Variants in KIF26B observed in about 807,000 individuals in gnomAD.
The protein encoded by KIF26B is kinesin family member 26B.
A neutral mutation model predicts 151.2 loss-of-function variants in KIF26B; 63 were observed. That is an observed-to-expected ratio of 0.42 (90% confidence interval 0.34 to 0.51). KIF26B has a LOEUF of 0.51. KIF26B is among the 20% of genes least tolerant of loss of function. The pLI is 0.07. For missense variants in KIF26B, 2,813 were observed against 2,913.6 expected (o/e 0.97, Z 0.79); for synonymous variants, 1,357 against 1,262.1 (o/e 1.08, Z -1.59).
At chr1:245,291,602 C>A (rs959467170) in intron 2 of KIF26B, among the ~76,000 whole-genome samples, 16 of 152,144 alleles carry the variant, frequency 1.1e-4, no homozygotes, top group Admixed American at 1.0e-3. Context: ...AGACCCCACA[C>A]CCGACGGGAC....
intron 5 of KIF26B, among the ~76,000 whole-genome samples, chr1:245,549,071 C>G (rs1661819195): frequency 6.6e-6 from 1 of 152,122 alleles, no homozygotes; most frequent in Non-Finnish European, 1.5e-5. Context: ...CTCAATTCTG[C>G]TGGCTCTATT....
rs758127878 is a variant in KIF26B, at chr1:245,688,200, C to T, written c.5217C>T (p.Leu1739=). The T allele has an allele frequency of 5.6e-6, 9 of 1,594,550 alleles. No homozygotes were observed. In the South Asian group the frequency reaches 7.7e-5, roughly 14 times the overall value. ...QSKISAVSRL[L]LASPRARGPS... is the part of the protein sequence containing the mutation. ...AGATCTCCGCCGTGAGCAGACTCCT[C>T]CTGGCCAGCCCCAGAGCGCGCGGCC... is the stretch of plus-strand genomic sequence containing the variant. Residue 1739 remains leucine, a synonymous_variant, in exon 12 of 15, where the codon CTC becomes CTT. Transcript: ENST00000407071.
intron 3 of KIF26B, among the ~76,000 whole-genome samples, chr1:245,398,729 A>G (rs1558150625): frequency 6.6e-6 from 1 of 151,716 alleles, no homozygotes; most frequent in Non-Finnish European, 1.5e-5. Context: ...AAAATTATAA[A>G]TTATAATTTT....
chr1:245,562,495 T>G (rs2042966068), intron 5 of KIF26B, among the ~76,000 whole-genome samples: 1 of 151,990 alleles, frequency 6.6e-6, no homozygotes, highest in African/African-American at 2.4e-5. Flanking sequence ...CCAGTTTGTA[T>G]GCACACCGAT....
chr1:245,683,321 CT>C (rs2147951420), intron 10 of KIF26B, among the ~76,000 whole-genome samples: 1 of 151,740 alleles, frequency 6.6e-6, no homozygotes, highest in East Asian at 1.9e-4. Context: ...TTCCTCAGCC[CT>C]TCAGGATCAG....
At chr1:245,404,376 C>G (rs1157213387) in intron 3 of KIF26B, among the ~76,000 whole-genome samples, 2 of 152,090 alleles carry the variant, frequency 1.3e-5, no homozygotes, top group Non-Finnish European at 2.9e-5. Flanking sequence ...AAGAGATGAA[C>G]TCCCGGGTCC....
At position 245,516,317 on chromosome 1, in the gene KIF26B, A is replaced by G. The variant is rs747911596; in HGVS notation, c.1167-24450A>G. 2.0e-5 allele frequency among the ~76,000 whole-genome samples: 3 copies of G among 152,190 alleles called. No homozygotes were observed. The highest frequency in any genetic ancestry group is 2.9e-5 in the Non-Finnish European group (2 of 68,044). ...ATGCTATTTGCAGAACGGCAACAAC[A>G]AAACGTGTAACAGGAATTGTCCGTT... On this transcript the variant is annotated intron_variant, in intron 4 of 14. Coordinates refer to ENST00000407071, the MANE Select transcript of KIF26B (RefSeq NM_018012.4). This position sits in a 1 kb window ranked among gnomAD's most constrained non-coding sequence, Gnocchi z 4.2.
chr1:245,545,638 TAAAC>T (rs546015630), intron 5 of KIF26B, among the ~76,000 whole-genome samples: 58 of 152,344 alleles, frequency 3.8e-4, no homozygotes, highest in Admixed American at 8.5e-4. Flanking sequence ...TGAAGTTACA[TAAAC>T]AAATTATGCT....
Position 245,374,059 on chromosome 1 carries a change from CAAAAAAAAAA to C in KIF26B, c.999+6719_999+6728del, listed in dbSNP as rs1172397969. 9.2e-4 allele frequency among the ~76,000 whole-genome samples: 16 copies of C among 17,478 alleles called. 2 individuals carry two copies. The highest frequency in any genetic ancestry group is 1.5e-3 in the African/African-American group (8 of 5,168). 11.5% of individuals were successfully genotyped at this position (17,478 alleles called of 152,430 possible). On this transcript the variant is annotated intron_variant, in intron 3 of 14. Coordinates refer to ENST00000407071, the MANE Select transcript of KIF26B (RefSeq NM_018012.4). ...GTGACAGAGACCCGAGAACCTATCT[CAAAAAAAAAA>C]AAAAAAAAAAAAAAAAAAAAAAAAA...
chr1:245,200,158 TA>T (rs1172883891), intron 2 of KIF26B, among the ~76,000 whole-genome samples: 3 of 152,230 alleles, frequency 2.0e-5, no homozygotes, highest in African/African-American at 4.8e-5. Flanking sequence ...ATTTCCAAGA[TA>T]GGGGCGGTGA....
chr1:245,377,174 C>T (rs1025913292), intron 3 of KIF26B, among the ~76,000 whole-genome samples: 2 of 152,246 alleles, frequency 1.3e-5, no homozygotes, highest in African/African-American at 4.8e-5. Flanking sequence ...CTCAGCCTCC[C>T]AAAGTGCTGG....
chr1:245,630,743 GTAAATAAA>G (rs563430535), intron 9 of KIF26B, among the ~76,000 whole-genome samples: 3 of 152,078 alleles, frequency 2.0e-5, no homozygotes, highest in African/African-American at 4.8e-5. Context: ...AGAACTTGAA[GTAAATAAA>G]TAAATAAATA....
rs764949262 is a variant in KIF26B at position 245,607,672 on chromosome 1, G to A, written c.1579G>A (p.Val527Met). Residue 527 changes from valine to methionine, a missense_variant, in exon 7 of 15, where the codon GTG becomes ATG. By Grantham distance (21) the Val-to-Met change is conservative. Coordinates refer to ENST00000407071, the MANE Select transcript of KIF26B (RefSeq NM_018012.4). ...ACAGGCTGAAGTGTGTGCAGGCACC[G>A]TGGCAGAGGTGATCCAGTCTGTGGT... is the stretch of plus-strand genomic sequence containing the variant. ...ASQAEVCAGTVAEVIQSVVNG... is the reference protein window; with the variant it reads ...ASQAEVCAGTMAEVIQSVVNG... The A allele has an allele frequency of 1.7e-5, 28 of 1,612,076 alleles. No individual in the cohort carries two copies. Among genetic ancestry groups the A allele is most frequent in the South Asian group, 1.3e-4 (12 of 90,474 alleles).
At chr1:245,475,539 T>G (rs1249948076) in intron 4 of KIF26B, among the ~76,000 whole-genome samples, 2 of 151,814 alleles carry the variant, frequency 1.3e-5, no homozygotes, top group East Asian at 1.9e-4. Context: ...AGAGCCAGAC[T>G]CCATCTCTTA....
rs191470109 is a variant in KIF26B, at chr1:245,167,380, T to C, written c.465+10697T>C. 3.6e-3 allele frequency among the ~76,000 whole-genome samples: 541 copies of C among 152,292 alleles called. No homozygotes were observed. The highest frequency in any genetic ancestry group is 0.013 in the African/African-American group (526 of 41,548). ...GATAGAACTTGAGATTTTTCTGCAG[T>C]GTAATTTTGTCTTTGAGTTGGCAGT... On this transcript the variant is annotated intron_variant, in intron 2 of 14. Coordinates refer to ENST00000407071, the MANE Select transcript of KIF26B (RefSeq NM_018012.4). This position sits in a 1 kb window ranked among gnomAD's most constrained non-coding sequence, Gnocchi z 4.2.
chr1:245,681,136 A>G (rs919453466), intron 10 of KIF26B, among the ~76,000 whole-genome samples: 1 of 152,018 alleles, frequency 6.6e-6, no homozygotes, highest in Admixed American at 6.5e-5. Flanking sequence ...AGAAAAAGGA[A>G]GAGGAAGCGC....
At chr1:245,221,349 AGAAGTGGCCTTTCTCT>A (rs1473589962) in intron 2 of KIF26B, among the ~76,000 whole-genome samples, 1 of 149,874 alleles carries the variant, frequency 6.7e-6, no homozygotes. Flanking sequence ...CCCTTCAGTC[AGAAGTGGCCTTTCTCT>A]GAAGTTTGAA....
Position 245,660,852 on chromosome 1 carries a change from G to A in KIF26B, c.2258+14572G>A, listed in dbSNP as rs926908261. On this transcript the variant is annotated intron_variant, in intron 10 of 14. Transcript: ENST00000407071. ...ATTTTTTGAGACGGGGTCTCATTCT[G>A]TCACTGAAGCTGGAGTGTAGTGGTG... 5.3e-5 allele frequency among the ~76,000 whole-genome samples: 8 copies of A among 152,226 alleles called. No individual in the cohort carries two copies. In the East Asian group the frequency reaches 1.4e-3, roughly 26 times the overall value.
chr1:245,339,897 C>G (rs957106732), intron 2 of KIF26B, among the ~76,000 whole-genome samples: 5 of 152,214 alleles, frequency 3.3e-5, no homozygotes, highest in African/African-American at 1.2e-4. Context: ...TCAAATTGCT[C>G]TTCCCCATTG....
Sources: gnomAD v4.1 joint callset for allele counts (sites outside exome capture counted in the v4.1 genomes callset) on GRCh38, gnomAD v4.1.1 for gene constraint, Gnocchi (gnomAD v3.1) non-coding constraint, MANE v1.5 for transcripts, NCBI Gene and HGNC (gene_info 2026-07-23, HGNC 2026-07-21) for gene names.